The following SSBP2 variants were observed in gnomAD, a reference collection of about 807,000 sequenced individuals.
SSBP2 encodes single stranded DNA binding protein 2, also known as single-stranded DNA-binding protein 2.
In SSBP2, 17 loss-of-function variants were observed where a neutral mutation model predicts 61.8. The observed-to-expected ratio is 0.28, with a 90% CI of 0.19 to 0.41. The LOEUF (loss-of-function observed/expected upper bound fraction) is 0.41. Ranked by LOEUF, SSBP2 falls within the 10% of genes least tolerant of loss-of-function variation. SSBP2 has a pLI of 1.00. For synonymous variants in SSBP2, 139 were observed against 141.3 expected, an observed-to-expected ratio of 0.98 and a Z score of 0.12; for missense variants, 310 against 458.7, an observed-to-expected ratio of 0.68 and a Z score of 2.96.
At chr5:81,672,249 A>G (rs940648799) in intron 1 of SSBP2, among the ~76,000 whole-genome samples, 1 of 143,968 alleles carries the variant, frequency 6.9e-6, no homozygotes, top group East Asian at 2.0e-4. Context: ...TTATATGCAC[A>G]TATAATTGAA....
At chr5:81,625,186 A>T (rs1306335353) in intron 3 of SSBP2, among the ~76,000 whole-genome samples, 2 of 152,204 alleles carry the variant, frequency 1.3e-5, no homozygotes, top group Non-Finnish European at 2.9e-5. Context: ...AGGAAGAAGT[A>T]GGACTTTTAG....
chr5:81,431,741 C>T (rs759498915), intron 15 of SSBP2, among the ~76,000 whole-genome samples: 6 of 152,066 alleles, frequency 3.9e-5, no homozygotes, highest in South Asian at 2.1e-4. Context: ...TGTGCTACCA[C>T]ATCTGGCTAA....
intron 4 of SSBP2, among the ~76,000 whole-genome samples, chr5:81,564,965 A>C (rs1310526438): frequency 1.3e-5 from 2 of 152,182 alleles, no homozygotes; most frequent in Non-Finnish European, 2.9e-5. Flanking sequence ...TTTCAAAAGC[A>C]ATACCATGGC....
intron 1 of SSBP2, among the ~76,000 whole-genome samples, chr5:81,742,011 C>A (rs1377943268): frequency 6.6e-6 from 1 of 152,170 alleles, no homozygotes; most frequent in African/African-American, 2.4e-5. Context: ...AACGAAAAAA[C>A]TCTAAATATG....
At chr5:81,580,248 A>C (rs1331906851) in intron 4 of SSBP2, among the ~76,000 whole-genome samples, 1 of 152,174 alleles carries the variant, frequency 6.6e-6, no homozygotes, top group Non-Finnish European at 1.5e-5. Context: ...CTGTTCAAAA[A>C]ACTTTCAGAG....
chr5:81,578,985 T>C (rs1260341611), intron 4 of SSBP2, among the ~76,000 whole-genome samples: 1 of 152,026 alleles, frequency 6.6e-6, no homozygotes, highest in South Asian at 2.1e-4. Context: ...GGTAAAGAAA[T>C]CTGGATTTCT....
chr5:81,641,738 C>T (rs1748804981), intron 2 of SSBP2, among the ~76,000 whole-genome samples: 1 of 152,076 alleles, frequency 6.6e-6, no homozygotes, highest in African/African-American at 2.4e-5. Context: ...TTAGAAACAG[C>T]CTGAGAAACA....
chr5:81,689,655 G>A (rs571978644), intron 1 of SSBP2, among the ~76,000 whole-genome samples: 1 of 151,526 alleles, frequency 6.6e-6, no homozygotes, highest in African/African-American at 2.4e-5. Flanking sequence ...TCCCAAAAAA[G>A]TTGAGTAATT....
intron 16 of SSBP2, 43 bp from the exon 17 acceptor site, chr5:81,420,576 A>G (rs905291076): frequency 1.2e-5 from 19 of 1,528,644 alleles, no homozygotes; most frequent in African/African-American, 2.7e-5. Context: ...CAATTCTTTT[A>G]GAGATCACTA....
rs1260762900 is a variant in SSBP2 at position 81,590,004 on chromosome 5, T to C, written c.282+25469A>G. 5.3e-5 allele frequency among the ~76,000 whole-genome samples: 8 copies of C among 152,102 alleles called. No homozygotes were observed. In the East Asian group the frequency reaches 1.5e-3, roughly 29 times the overall value. Reference sequence around the variant, plus strand: ...CAACACTGTTGCATTGAAGATTAAGTTTCCAACACAAACTTTTTAGGGGAT... The same window carrying C: ...CAACACTGTTGCATTGAAGATTAAGCTTCCAACACAAACTTTTTAGGGGAT... On this transcript the variant is annotated intron_variant, in intron 4 of 16. Transcript: ENST00000320672.
At chr5:81,442,013 C>T (rs574225241) in intron 13 of SSBP2, among the ~76,000 whole-genome samples, 4 of 152,114 alleles carry the variant, frequency 2.6e-5, no homozygotes, top group African/African-American at 9.6e-5. Context: ...AAATATATAT[C>T]TTCTGATTTT....
intron 15 of SSBP2, among the ~76,000 whole-genome samples, chr5:81,431,278 T>C (rs1762266831): frequency 6.6e-6 from 1 of 152,176 alleles, no homozygotes; most frequent in African/African-American, 2.4e-5. Context: ...ATTAGGCCCA[T>C]CGGTTACAGT....
At chr5:81,576,957 T>C (rs972848567) in intron 4 of SSBP2, among the ~76,000 whole-genome samples, 4 of 152,028 alleles carry the variant, frequency 2.6e-5, no homozygotes, top group African/African-American at 9.6e-5. Context: ...TCTACATCAT[T>C]ACAAAAACAA....
intron 1 of SSBP2, among the ~76,000 whole-genome samples, chr5:81,725,530 C>T (rs148756815): frequency 5.7e-4 from 86 of 152,058 alleles, no homozygotes; most frequent in Non-Finnish European, 9.0e-4. Flanking sequence ...CAAAGTTCTC[C>T]CAAAAGCCCA....
rs900932765 is a variant in SSBP2 at position 81,587,736 on chromosome 5, T to TAC, written c.282+27735_282+27736dup. Among the ~76,000 whole-genome samples, 4 of 144,118 alleles carry TAC rather than the reference T, an allele frequency of 2.8e-5. No individual in the cohort carries two copies. In the East Asian group the frequency reaches 6.5e-4, roughly 23 times the overall value. 94.5% of individuals were successfully genotyped at this position (144,118 alleles called of 152,430 possible). On this transcript the variant is annotated intron_variant, in intron 4 of 16. Coordinates refer to ENST00000320672, the MANE Select transcript of SSBP2 (RefSeq NM_012446.5). ...CAGAGCTAGACTCTGTCTCAAAACATACACACACACGCACACACACGCGCG... is the reference window on the plus strand; with the variant it reads ...CAGAGCTAGACTCTGTCTCAAAACATACACACACACACGCACACACACGCGCG...
intron 4 of SSBP2, among the ~76,000 whole-genome samples, chr5:81,601,045 T>C (rs1462959736): frequency 6.6e-6 from 1 of 152,204 alleles, no homozygotes; most frequent in Non-Finnish European, 1.5e-5. Flanking sequence ...ATCAGTGCTT[T>C]AAACCATCCT....
At chr5:81,458,443 G>A (rs1013026826) in intron 10 of SSBP2, among the ~76,000 whole-genome samples, 1 of 152,174 alleles carries the variant, frequency 6.6e-6, no homozygotes, top group African/African-American at 2.4e-5. Context: ...AAATAATAAA[G>A]CAAATGTGGT....
chr5:81,572,758 A>G, intron 4 of SSBP2, among the ~76,000 whole-genome samples: 1 of 152,210 alleles, frequency 6.6e-6, no homozygotes, highest in Non-Finnish European at 1.5e-5. Flanking sequence ...GCATCTTTAA[A>G]ACATCCTTTC....
intron 1 of SSBP2, among the ~76,000 whole-genome samples, chr5:81,709,505 C>CAT (rs1754627815): frequency 6.6e-6 from 1 of 151,794 alleles, no homozygotes; most frequent in African/African-American, 2.4e-5. Context: ...CAATTTATAG[C>CAT]ATATCAACAA....
Sources: gnomAD v4.1 joint callset for allele counts (sites outside exome capture counted in the v4.1 genomes callset) on GRCh38, gnomAD v4.1.1 for gene constraint, MANE v1.5 for transcripts, NCBI Gene and HGNC (gene_info 2026-07-23, HGNC 2026-07-21) for gene names.